Variants in MSR1 observed in about 807,000 individuals in gnomAD.
MSR1 encodes macrophage scavenger receptor types I and II.
A neutral mutation model predicts 47.2 loss-of-function variants in MSR1; 53 were observed. The observed-to-expected ratio is 1.12, with a 90% confidence interval of 0.90 to 1.41. The LOEUF is 1.41. Ranked by LOEUF, MSR1 falls within the 40% of genes most tolerant of loss-of-function variation. MSR1 has a pLI of 0.00. For synonymous variants in MSR1, 239 were observed against 185.6 expected (o/e 1.29, Z -2.34); for missense variants, 786 against 546.9 (o/e 1.44, Z -4.36).
In MSR1 at chr8:16,108,678, C is replaced by G. The variant is rs1799688451; in HGVS notation, c.*1407G>C. 6.6e-6 allele frequency: 1 copy of G among 152,048 alleles called. No homozygotes were observed. Among genetic ancestry groups the G allele is most frequent in the Non-Finnish European group, 1.5e-5 (1 of 67,984 alleles). The allele number at this position is 152,048 out of a possible 1,614,324, so 9.4% of individuals were successfully genotyped here. A position where few individuals can be genotyped will look rare whatever the true frequency, so the allele number is the denominator to read the frequency against. On this transcript the variant is annotated 3_prime_UTR_variant, in exon 10 of 10. Coordinates refer to ENST00000262101, the MANE Select transcript of MSR1 (RefSeq NM_138715.3). ...GCCAGAGAAAATCAGCAATGTTAAACAAGTAGAAGAATGTTACATGATAAA... is the reference window on the plus strand; with the variant it reads ...GCCAGAGAAAATCAGCAATGTTAAAGAAGTAGAAGAATGTTACATGATAAA...
intron 1 of MSR1, among the ~76,000 whole-genome samples, chr8:16,192,385 G>T (rs925527478): frequency 1.3e-5 from 2 of 151,816 alleles, no homozygotes; most frequent in Non-Finnish European, 1.5e-5. Context: ...TTCACTCATG[G>T]AAAATTTAGC....
At chr8:16,179,507 C>A (rs1801761298) in intron 1 of MSR1, among the ~76,000 whole-genome samples, 1 of 152,018 alleles carries the variant, frequency 6.6e-6, no homozygotes, top group Admixed American at 6.6e-5. Context: ...ACTCTATTTG[C>A]TGAAAAAACA....
intron 8 of MSR1, among the ~76,000 whole-genome samples, chr8:16,126,028 T>A (rs1483912523): frequency 6.6e-6 from 1 of 152,138 alleles, no homozygotes; most frequent in Non-Finnish European, 1.5e-5. Flanking sequence ...GTATTAGCTA[T>A]TTATTATAAA....
intron 7 of MSR1, among the ~76,000 whole-genome samples, chr8:16,147,993 T>C (rs1800746699): frequency 6.6e-6 from 1 of 152,180 alleles, no homozygotes; most frequent in African/African-American, 2.4e-5. Context: ...GGTGGAGTCC[T>C]GTAAGCTGTT....
In MSR1 at chr8:16,157,440, CCTA is replaced by C. The variant is rs554217399; in HGVS notation, c.818-2299_818-2297del. 1.6e-3 allele frequency among the ~76,000 whole-genome samples: 239 copies of C among 151,904 alleles called. 1 individual carries two copies. The Middle Eastern group carries it at 0.031, about 20-fold the overall frequency. On this transcript the variant is annotated intron_variant, in intron 5 of 9. Transcript: ENST00000262101. The stretch of plus-strand genomic sequence containing the variant: ...AAATACTGATACCTGGTATTCGAAT[CCTA>C]CAATAAGAAAAACAGGTAAAGATTT...
Position 16,154,311 on chromosome 8 carries a change from G to A in MSR1, c.898+753C>T, listed in dbSNP as rs111706970. 1.7e-3 allele frequency among the ~76,000 whole-genome samples: 259 copies of A among 151,840 alleles called. 2 individuals carry two copies. The highest frequency in any genetic ancestry group is 5.9e-3 in the African/African-American group (245 of 41,464). On this transcript the variant is annotated intron_variant, in intron 6 of 9. Coordinates refer to ENST00000262101, the MANE Select transcript of MSR1 (RefSeq NM_138715.3). ...CTTCCTACCATCAAACGGCATGCAGGATATTTGATTTCAAGCCAAGGCTAA... is the reference window on the plus strand; with the variant it reads ...CTTCCTACCATCAAACGGCATGCAGAATATTTGATTTCAAGCCAAGGCTAA...
chr8:16,178,203 C>T (rs931600246), intron 1 of MSR1, among the ~76,000 whole-genome samples: 1 of 151,770 alleles, frequency 6.6e-6, no homozygotes, highest in Non-Finnish European at 1.5e-5. Flanking sequence ...GCTGCACCCA[C>T]AAACTCGTCA....
intron 5 of MSR1, among the ~76,000 whole-genome samples, chr8:16,156,334 G>A (rs540113183): frequency 3.2e-4 from 48 of 151,922 alleles, no homozygotes; most frequent in African/African-American, 1.1e-3. Context: ...CATAATACCC[G>A]AAGAAATCTA....
Position 16,150,227 on chromosome 8 carries a change from A to G in MSR1, c.979+4T>C, listed in dbSNP as rs1477227403. ...TATAAAGAAAATACACATTATTGTA[A>G]TACCTGGCCTTCCGGCATATCCTGG... On this transcript the variant is annotated splice_donor_region_variant and intron_variant, in intron 7 of 9. Transcript: ENST00000262101. The G allele has an allele frequency of 3.2e-5, 48 of 1,501,998 alleles. No homozygotes were observed. The highest frequency in any genetic ancestry group is 4.2e-5 in the Non-Finnish European group (47 of 1,113,268). 93.0% of individuals were successfully genotyped at this position (1,501,998 alleles called of 1,614,324 possible). A position where few individuals can be genotyped will look rare whatever the true frequency, so the allele number is the denominator to read the frequency against.
intron 1 of MSR1, among the ~76,000 whole-genome samples, chr8:16,190,109 G>A (rs371592337): frequency 5.9e-5 from 9 of 151,752 alleles, no homozygotes; most frequent in Admixed American, 1.3e-4. Context: ...CGTTCATCCA[G>A]CTGGTCTCAA....
chr8:16,186,153 G>C, intron 1 of MSR1: 7 of 1,533,336 alleles, frequency 4.6e-6, no homozygotes, highest in Non-Finnish European at 6.1e-6. Context: ...AGTTGTTCAT[G>C]CTCACGGTTT....
chr8:16,151,007 TA>T (rs1435367979), intron 6 of MSR1, among the ~76,000 whole-genome samples: 1 of 152,090 alleles, frequency 6.6e-6, no homozygotes, highest in Admixed American at 6.6e-5. Flanking sequence ...ATGGTGATCA[TA>T]ACAACTGTAT....
At chr8:16,165,929 A>G (rs1702663299) in intron 4 of MSR1, among the ~76,000 whole-genome samples, 4 of 152,112 alleles carry the variant, frequency 2.6e-5, no homozygotes. Context: ...TATTTTCTGT[A>G]CAATACCATC....
At chr8:16,183,617 A>G (rs1006091576) in intron 1 of MSR1, among the ~76,000 whole-genome samples, 25 of 89,414 alleles carry the variant, frequency 2.8e-4, no homozygotes, top group Non-Finnish European at 4.7e-4. Flanking sequence ...AGGCAAATAT[A>G]TAATATATAT....
chr8:16,152,711 A>T (rs1434809811), intron 6 of MSR1, among the ~76,000 whole-genome samples: 1 of 152,190 alleles, frequency 6.6e-6, no homozygotes, highest in South Asian at 2.1e-4. Flanking sequence ...CCTTCAAAAC[A>T]TTGTTGTCAT....
At chr8:16,177,758 C>T in intron 2 of MSR1, 128 bp downstream of exon 2, 1 of 725,614 alleles carries the variant, frequency 1.4e-6, no homozygotes. Flanking sequence ...CAAGAATACC[C>T]CTGTTGGTCA....
intron 3 of MSR1, among the ~76,000 whole-genome samples, chr8:16,172,491 A>G (rs1266878663): frequency 6.6e-6 from 1 of 152,098 alleles, no homozygotes; most frequent in Non-Finnish European, 1.5e-5. Context: ...GAGAGATGGC[A>G]TTTTGTGACT....
At position 16,141,953 on chromosome 8, in the gene MSR1, A is replaced by T. The variant is rs138251904; in HGVS notation, c.1033+1605T>A. 7.0e-3 allele frequency among the ~76,000 whole-genome samples: 1,071 copies of T among 152,298 alleles called. 9 individuals are homozygous for T. The highest frequency in any genetic ancestry group is 0.014 in the Middle Eastern group (4 of 292). On this transcript the variant is annotated intron_variant, in intron 8 of 9. Coordinates refer to ENST00000262101, the MANE Select transcript of MSR1 (RefSeq NM_138715.3). ...GCAGAGATAAAGATAACATAAGGAT[A>T]AGAAGGAGAACTTTTTAAGAGGAAC...
intron 9 of MSR1, among the ~76,000 whole-genome samples, chr8:16,119,891 T>TA (rs397769321): frequency 6.5e-5 from 7 of 107,386 alleles, no homozygotes; most frequent in African/African-American, 2.3e-4. Flanking sequence ...TTTTTTTTTT[T>TA]AATTGGTAGA....
Sources: allele counts gnomAD v4.1 joint callset (sites outside exome capture counted in the v4.1 genomes callset), GRCh38; gene constraint gnomAD v4.1.1; transcripts MANE v1.5; gene names NCBI Gene and HGNC (gene_info 2026-07-23, HGNC 2026-07-21).